Variants in ANKLE2 observed in about 807,000 individuals in gnomAD.
The protein encoded by ANKLE2 is ankyrin repeat and LEM domain containing 2.
ANKLE2 carries 55 observed loss-of-function variants against 84.2 expected under a neutral mutation model. The observed-to-expected ratio is 0.65, with a 90% CI of 0.53 to 0.82. The LOEUF (loss-of-function observed/expected upper bound fraction) is 0.82. Ranked by LOEUF, ANKLE2 falls within the 40% of genes least tolerant of loss-of-function variation. ANKLE2 has a pLI of 0.00. For synonymous variants in ANKLE2, 551 were observed against 486.1 expected (o/e 1.13, Z -1.76); for missense variants, 1,238 against 1,201.9 (o/e 1.03, Z -0.44).
At position 132,729,812 on chromosome 12, in the gene ANKLE2, C is replaced by G; in HGVS notation, c.2350G>C (p.Gly784Arg). ...LLEPSPADQL[G>R]NGHRRTESEM... The stretch of plus-strand genomic sequence containing the variant: ...CTTTCTGTCCTCCTGTGGCCATTCC[C>G]GAGTTGGTCTGCGGGAGAAGGCTCT... The change falls in exon 11 of 13, where the codon GGG becomes CGG. Residue 784 changes from glycine (G) to arginine (R), a missense_variant. Physicochemically the swap from Gly to Arg is moderately radical, Grantham distance 125. Transcript: ENST00000357997. The G allele has an allele frequency of 6.2e-7, 1 of 1,613,322 alleles. No homozygotes were observed. The highest frequency in any genetic ancestry group is 1.7e-4 in the Middle Eastern group (1 of 6,060).
Position 132,732,574 on chromosome 12 carries a change from G to A in ANKLE2, c.1891+1811C>T, listed in dbSNP as rs186210862. 2.6e-4 allele frequency among the ~76,000 whole-genome samples: 36 copies of A among 138,330 alleles called. 1 individual carries two copies. The highest frequency in any genetic ancestry group is 5.1e-4 in the African/African-American group (19 of 36,970). The allele number at this position is 138,330 out of a possible 152,430, so 90.7% of individuals were successfully genotyped here. A position where few individuals can be genotyped will look rare whatever the true frequency, so the allele number is the denominator to read the frequency against. On this transcript the variant is annotated intron_variant, in intron 10 of 12. Coordinates refer to ENST00000357997, the MANE Select transcript of ANKLE2 (RefSeq NM_015114.3). ...TGATATGCACCGTGTGAAGCACTGC[G>A]CGTCCTGGCGTCTGATACGCACCGT...
At chr12:132,728,390 G>C (rs984417346) in intron 11 of ANKLE2, among the ~76,000 whole-genome samples, 3 of 152,040 alleles carry the variant, frequency 2.0e-5, no homozygotes, top group Non-Finnish European at 4.4e-5. Context: ...CACCACGCCC[G>C]GCTAATTTTT....
chr12:132,733,912 A>T, intron 10 of ANKLE2: 1 of 454,356 alleles, frequency 2.2e-6, no homozygotes, highest in Middle Eastern at 3.3e-4. Context: ...TAATGCAAAC[A>T]CAAGCAGAAA....
At position 132,755,018 on chromosome 12, in the gene ANKLE2, C is replaced by A; in HGVS notation, c.297G>T (p.Arg99Ser). ...LKCGPITSTTRFIFEKKLAQA... is the reference protein window; with the variant it reads ...LKCGPITSTTSFIFEKKLAQA... ...GAGCCAATTTTTTCTCAAAAATGAA[C>A]CTTGTAGTTGATGTAATGGGTCCAC... Residue 99 changes from arginine to serine, a missense_variant, in exon 2 of 13, where the codon AGG becomes AGT. By Grantham distance (110) the Arg-to-Ser change is moderately radical. This residue lies in a region of ANKLE2 where 422 missense variants were observed against 394.5 expected (regional missense o/e 1.07). Coordinates refer to ENST00000357997, the MANE Select transcript of ANKLE2 (RefSeq NM_015114.3). The A allele has an allele frequency of 9.3e-6, 15 of 1,614,102 alleles. No individual in the cohort carries two copies. The highest frequency in any genetic ancestry group is 1.0e-5 in the Non-Finnish European group (12 of 1,180,032).
At position 132,747,630 on chromosome 12, in the gene ANKLE2, A is replaced by G. The variant is rs7313839; in HGVS notation, c.1230+202T>C. 0.6 allele frequency among the ~76,000 whole-genome samples: 91,583 copies of G among 152,074 alleles called. 28,051 individuals are homozygous for G. The highest frequency in any genetic ancestry group is 0.7 in the African/African-American group (28,880 of 41,474). On this transcript the variant is annotated intron_variant, in intron 5 of 12. Transcript: ENST00000357997. ...GGGACAGCATCGCACACACGACGAC[A>G]ATGCAGGGGCCAGGGAACCCCAGCG...
In ANKLE2 at chr12:132,726,804, A is replaced by G. The variant is rs2043707704; in HGVS notation, c.*438T>C. The stretch of plus-strand genomic sequence containing the variant: ...AACCCAGGAAAAGACAGGGCGGCAA[A>G]TAGTTCATCTTGGTGAGTGCAGGTT... On this transcript the variant is annotated 3_prime_UTR_variant, in exon 13 of 13. Coordinates refer to ENST00000357997, the MANE Select transcript of ANKLE2 (RefSeq NM_015114.3). The G allele has an allele frequency of 6.4e-6, 1 of 155,436 alleles. No homozygotes were observed. The highest frequency in any genetic ancestry group is 1.4e-5 in the Non-Finnish European group (1 of 70,472). The allele number at this position is 155,436 out of a possible 1,614,324, so 9.6% of individuals were successfully genotyped here.
chr12:132,726,086 G>C lies in ANKLE2; in HGVS notation c.*1156C>G, dbSNP rs2043693765. On this transcript the variant is annotated 3_prime_UTR_variant, in exon 13 of 13. Transcript: ENST00000357997. Reference sequence around the variant, plus strand: ...GGAAATTTAAAAATGATTTATAAAAGGCACTGAAGTTAGCAAAAGCATTGG... The same window carrying C: ...GGAAATTTAAAAATGATTTATAAAACGCACTGAAGTTAGCAAAAGCATTGG... The C allele has an allele frequency of 6.6e-6, 1 of 152,272 alleles. No homozygotes were observed. The allele number at this position is 152,272 out of a possible 1,614,324, so 9.4% of individuals were successfully genotyped here. A position where few individuals can be genotyped will look rare whatever the true frequency, so the allele number is the denominator to read the frequency against.
intron 10 of ANKLE2, chr12:132,734,090 C>A: frequency 4.1e-6 from 2 of 491,336 alleles, no homozygotes; most frequent in East Asian, 5.6e-5. Context: ...AAAAAAAATA[C>A]GAAAATTAGC....
At chr12:132,730,333 C>A in intron 10 of ANKLE2, 63 bp from the exon 11 acceptor site, 1 of 1,332,404 alleles carries the variant, frequency 7.5e-7, no homozygotes, top group Non-Finnish European at 1.0e-6. Context: ...AGCTGCTCCG[C>A]CCCATCCATG....
intron 3 of ANKLE2, 120 bp downstream of exon 3, chr12:132,750,523 G>T (rs1201800427): frequency 3.0e-6 from 3 of 1,008,500 alleles, no homozygotes; most frequent in Non-Finnish European, 4.4e-6. Flanking sequence ...GGTCCACTGA[G>T]ACCCCATCGA....
rs777865736 is a variant in ANKLE2, at chr12:132,750,816, G to T, written c.674C>A (p.Ala225Glu). 5.6e-6 allele frequency: 9 copies of T among 1,614,156 alleles called. No homozygotes were observed. The highest frequency in any genetic ancestry group is 7.6e-6 in the Non-Finnish European group (9 of 1,180,016). The change falls in exon 3 of 13, where the codon GCA becomes GAA. Residue 225 changes from alanine (A) to glutamate (E), a missense_variant. Physicochemically the swap from Ala to Glu is moderately radical, Grantham distance 107. Transcript: ENST00000357997. Reference protein sequence around the residue: ...RIYVYENKKEALQAVKMIKGS... With the variant: ...RIYVYENKKEELQAVKMIKGS... ...TTTGATCATCTTGACAGCTTGCAAT[G>T]CTTCCTTTTTATTTTCATAAACATA...
intron 5 of ANKLE2, among the ~76,000 whole-genome samples, chr12:132,746,334 G>T (rs892595861): frequency 8.2e-6 from 1 of 121,794 alleles, no homozygotes; most frequent in Non-Finnish European, 1.7e-5. Context: ...GGGAGACAGA[G>T]CAAGACTCTG....
In ANKLE2 at chr12:132,734,482, T is replaced by C. The variant is rs1361959721; in HGVS notation, c.1794A>G (p.Arg598=). The change falls in exon 10 of 13, where the codon AGA becomes AGG. Residue 598 remains arginine, a synonymous_variant. Transcript: ENST00000357997. ...CCTGCTGTGTGAGATATTCTTCTAG[T>C]CTTTGCAGGCCTTCCTGGGAAGACA... ...VDLSSQEGLQ[R]LEEYLTQQEI... is the part of the protein sequence containing the mutation. The C allele has an allele frequency of 2.5e-6, 4 of 1,614,030 alleles. No individual in the cohort carries two copies. Among genetic ancestry groups the C allele is most frequent in the Admixed American group, 3.3e-5 (2 of 59,986 alleles).
Position 132,730,097 on chromosome 12 carries a change from CG to C in ANKLE2, c.2064del (p.Ala689ProfsTer17). On this transcript the variant is annotated frameshift_variant, in exon 11 of 13. Transcript: ENST00000357997. LOFTEE classifies it high-confidence loss of function. ...PLEQEADLIE[A>X]AEPGGPHSSR... ...CTGCTGTGTGGACCTCCCGGCTCGG[CG>C]GCTTCTATGAGGTCTGCCTCCTGCT... 1 of 1,612,328 alleles carries C rather than the reference CG, an allele frequency of 6.2e-7. No individual in the cohort carries two copies. Among genetic ancestry groups the C allele is most frequent in the East Asian group, 2.2e-5 (1 of 44,856 alleles).
rs2136095102 is a variant in ANKLE2 at position 132,726,344 on chromosome 12, C to T, written c.*898G>A. Reference sequence around the variant, plus strand: ...ACCTCTAAATGCAACACTCTGCATACAGGAGATCCCAACTGAAATGAGTTC... The same window carrying T: ...ACCTCTAAATGCAACACTCTGCATATAGGAGATCCCAACTGAAATGAGTTC... On this transcript the variant is annotated 3_prime_UTR_variant, in exon 13 of 13. Coordinates refer to ENST00000357997, the MANE Select transcript of ANKLE2 (RefSeq NM_015114.3). The T allele has an allele frequency of 6.6e-6, 1 of 152,490 alleles. No homozygotes were observed. The highest frequency in any genetic ancestry group is 2.1e-4 in the South Asian group (1 of 4,828). The allele number at this position is 152,490 out of a possible 1,614,324, so 9.4% of individuals were successfully genotyped here.
rs775205266 is a variant in ANKLE2 at position 132,727,411 on chromosome 12, T to C, written c.2648A>G (p.Lys883Arg). Residue 883 changes from lysine to arginine, a missense_variant, in exon 13 of 13, where the codon AAG (lysine) becomes AGG (arginine). Around this residue, in one of 3 missense-constraint regions of ANKLE2, gnomAD observed 802 missense variants for 774.5 expected, o/e 1.04. Coordinates refer to ENST00000357997, the MANE Select transcript of ANKLE2 (RefSeq NM_015114.3). Reference sequence around the variant, plus strand: ...GCCACTGAGATCTGGCAGCTGAGACTTGAACCTTCCTTTCACCGCGGGACT... The same window carrying C: ...GCCACTGAGATCTGGCAGCTGAGACCTGAACCTTCCTTTCACCGCGGGACT... Reference protein sequence around the residue: ...WPSPAVKGRFKSQLPDLSGPH... With the variant: ...WPSPAVKGRFRSQLPDLSGPH... 11 of 1,560,530 alleles carry C rather than the reference T, an allele frequency of 7.0e-6. No homozygotes were observed. The East Asian group carries it at 1.2e-4, about 17-fold the overall frequency.
chr12:132,753,105 T>C (rs1054423872), intron 2 of ANKLE2, among the ~76,000 whole-genome samples: 2 of 150,804 alleles, frequency 1.3e-5, no homozygotes, highest in Non-Finnish European at 3.0e-5. Context: ...AGCCCAGGAG[T>C]TGGGAGACCA....
rs762337872 is a variant in ANKLE2, at chr12:132,743,313, CTT to C, written c.1231-39_1231-38del. 3.8e-6 allele frequency: 6 copies of C among 1,561,074 alleles called. No individual in the cohort carries two copies. Among genetic ancestry groups the C allele is most frequent in the South Asian group, 2.4e-5 (2 of 82,116 alleles). ...TGCAGAGGAAGTACAATTATTCACA[CTT>C]GTCTCATGAGGTTGCTCTAAGGTGA... On this transcript the variant is annotated intron_variant, in intron 5 of 12. Transcript: ENST00000357997. The surrounding 1 kb of genome is among the most constrained non-coding windows in gnomAD (Gnocchi z 4.1).
At position 132,747,898 on chromosome 12, in the gene ANKLE2, G is replaced by A. The variant is rs762649429; in HGVS notation, c.1164C>T (p.Asp388=). The change falls in exon 5 of 13, where the codon GAC becomes GAT. Residue 388 remains aspartate (D), a synonymous_variant. Coordinates refer to ENST00000357997, the MANE Select transcript of ANKLE2 (RefSeq NM_015114.3). ...GGATACGCTTCTGCAGCATGGCCTC[G>A]TCGTCATCAGGGTACATCAGCCTCA... The part of the protein sequence containing the change: ...DFMRLMYPDD[D]EAMLQKRIRY... 8.7e-6 allele frequency: 14 copies of A among 1,609,752 alleles called. No homozygotes were observed. Among genetic ancestry groups the A allele is most frequent in the East Asian group, 2.2e-5 (1 of 44,872 alleles).
Sources: gnomAD v4.1 joint callset for allele counts (sites outside exome capture counted in the v4.1 genomes callset) on GRCh38, gnomAD v4.1.1 for gene constraint, gnomAD v4.1.1 regional missense constraint, Gnocchi (gnomAD v3.1) non-coding constraint, MANE v1.5 for transcripts, NCBI Gene and HGNC (gene_info 2026-07-23, HGNC 2026-07-21) for gene names.